The following RYR2 variants were observed in gnomAD, a reference collection of about 807,000 sequenced individuals.
RYR2 encodes the protein ryanodine receptor 2, also known as cardiac muscle ryanodine receptor-calcium release channel.
In RYR2, 227 loss-of-function variants were observed where a neutral mutation model predicts 601.1. The observed-to-expected ratio is 0.38, with a 90% CI of 0.34 to 0.42. The LOEUF (loss-of-function observed/expected upper bound fraction) is 0.42, where lower values mean the gene tolerates loss of function less well. Ranked by LOEUF, RYR2 falls within the 10% of genes least tolerant of loss-of-function variation. The pLI is 1.00. For missense variants in RYR2, 4,646 were observed against 6,156.5 expected (o/e 0.75, Z 8.21); for synonymous variants, 2,223 against 2,175.1 (o/e 1.02, Z -0.61).
intron 24 of RYR2, among the ~76,000 whole-genome samples, chr1:237,513,247 A>T (rs1346418007): frequency 1.3e-5 from 2 of 152,206 alleles, no homozygotes; most frequent in East Asian, 3.9e-4. Flanking sequence ...AAGTAAAGAG[A>T]ATATTTTTGC....
intron 3 of RYR2, among the ~76,000 whole-genome samples, chr1:237,336,099 G>T (rs911510556): frequency 5.3e-5 from 8 of 152,114 alleles, no homozygotes; most frequent in African/African-American, 1.9e-4. Context: ...ATAATTTCAT[G>T]TATGTTATAG....
chr1:237,668,350 G>T (rs1008791242), intron 58 of RYR2, among the ~76,000 whole-genome samples: 6 of 151,996 alleles, frequency 3.9e-5, no homozygotes, highest in African/African-American at 1.5e-4. Flanking sequence ...TCTCTTACAT[G>T]CTTTTGCTTG....
intron 3 of RYR2, among the ~76,000 whole-genome samples, chr1:237,354,200 A>G (rs543549255): frequency 6.6e-6 from 1 of 152,226 alleles, no homozygotes; most frequent in East Asian, 1.9e-4. Context: ...ATTGCTCCTA[A>G]TTCTTGCGCC....
At chr1:237,275,361 A>G in intron 2 of RYR2, among the ~76,000 whole-genome samples, 1 of 152,150 alleles carries the variant, frequency 6.6e-6, no homozygotes, top group East Asian at 1.9e-4. Flanking sequence ...AAACAAAGGC[A>G]TTCAGAAAGG....
At position 237,660,075 on chromosome 1, in the gene RYR2, G is replaced by A. The variant is rs1219691571; in HGVS notation, c.8298+1G>A. 6.7e-7 allele frequency: 1 copy of A among 1,488,228 alleles called. No individual in the cohort carries two copies. The highest frequency in any genetic ancestry group is 2.5e-5 in the East Asian group (1 of 39,776). 92.2% of individuals were successfully genotyped at this position (1,488,228 alleles called of 1,614,324 possible). On this transcript the variant is annotated splice_donor_variant, in intron 55 of 104. Transcript: ENST00000366574. LOFTEE classifies it high-confidence loss of function. ...GCCATATAAGCTATTGTCTGAAAAG[G>A]TAAGGATTTTTTGTTTGTTTTAGTT...
intron 42 of RYR2, 73 bp downstream of exon 42, chr1:237,631,614 T>A (rs958715479): frequency 7.4e-5 from 4 of 53,982 alleles, no homozygotes; most frequent in African/African-American, 5.3e-4. Flanking sequence ...AGAATGCAGA[T>A]TTTTTTTTTT....
intron 1 of RYR2, among the ~76,000 whole-genome samples, chr1:237,208,978 A>ATG (rs1405889077): frequency 1.6e-4 from 14 of 88,730 alleles, no homozygotes; most frequent in Middle Eastern, 5.6e-3. Flanking sequence ...ATATATATAT[A>ATG]TATATATGTA....
Position 237,828,379 on chromosome 1 carries a change from A to G in RYR2, c.14591-2A>G. The G allele has an allele frequency of 6.5e-7, 1 of 1,548,206 alleles. No individual in the cohort carries two copies. Among genetic ancestry groups the G allele is most frequent in the Non-Finnish European group, 8.8e-7 (1 of 1,139,938 alleles). ...TTAAATTGTGTTTTTATTTAACACC[A>G]GGTCTAATTATTGATGCTTTTGGAG... is the stretch of plus-strand genomic sequence containing the variant. On this transcript the variant is annotated splice_acceptor_variant, in intron 101 of 104. Coordinates refer to ENST00000366574, the MANE Select transcript of RYR2 (RefSeq NM_001035.3). LOFTEE classifies it high-confidence loss of function.
chr1:237,530,059 C>A (rs1254858044), intron 24 of RYR2, among the ~76,000 whole-genome samples: 4 of 152,220 alleles, frequency 2.6e-5, no homozygotes, highest in East Asian at 3.9e-4. Flanking sequence ...CACCTGTAAT[C>A]CCAGCACTTT....
At chr1:237,574,785 C>G (rs1208310183) in intron 29 of RYR2, among the ~76,000 whole-genome samples, 1 of 152,086 alleles carries the variant, frequency 6.6e-6, no homozygotes, top group African/African-American at 2.4e-5. Flanking sequence ...CAAATTCCAT[C>G]AATAACCAGG....
intron 51 of RYR2, among the ~76,000 whole-genome samples, chr1:237,651,888 T>C (rs1057387950): frequency 2.0e-5 from 3 of 152,014 alleles, no homozygotes; most frequent in South Asian, 2.1e-4. Context: ...ATACAAAAAA[T>C]TAGCCGGACG....
At chr1:237,058,292 C>T (rs1026419394) in intron 1 of RYR2, among the ~76,000 whole-genome samples, 1 of 152,206 alleles carries the variant, frequency 6.6e-6, no homozygotes, top group Non-Finnish European at 1.5e-5. Context: ...GCCCTCAGCT[C>T]TCCTACTATG....
intron 1 of RYR2, among the ~76,000 whole-genome samples, chr1:237,179,140 G>A (rs1157575212): frequency 6.6e-6 from 1 of 152,156 alleles, no homozygotes; most frequent in Non-Finnish European, 1.5e-5. Context: ...GCCTTGAGTA[G>A]CAAATTTTAT....
intron 61 of RYR2, among the ~76,000 whole-genome samples, chr1:237,680,135 A>G (rs1685740182): frequency 6.6e-6 from 1 of 152,194 alleles, no homozygotes; most frequent in African/African-American, 2.4e-5. Flanking sequence ...GACTCAACAT[A>G]TGGTAGTTAT....
intron 38 of RYR2, among the ~76,000 whole-genome samples, chr1:237,619,298 GA>G: frequency 6.6e-6 from 1 of 151,160 alleles, no homozygotes; most frequent in Admixed American, 6.6e-5. Flanking sequence ...AAAAGAAATA[GA>G]AAGCCTCAAC....
At chr1:237,407,618 T>G (rs1402876299) in intron 10 of RYR2, among the ~76,000 whole-genome samples, 3 of 151,012 alleles carry the variant, frequency 2.0e-5, no homozygotes, top group South Asian at 2.1e-4. Flanking sequence ...TGTTTTTTTT[T>G]TTTTTTTTTT....
chr1:237,714,991 CAAAAAAAAAAAAAAAAA>C (rs5781983), intron 71 of RYR2, among the ~76,000 whole-genome samples: 1 of 44,422 alleles, frequency 2.3e-5, no homozygotes, highest in African/African-American at 6.0e-5. Context: ...GACTCCATCT[CAAAAAAAAAAAAAAAAA>C]AAAAAAAAAA....
At chr1:237,137,580 G>A (rs146639358) in intron 1 of RYR2, among the ~76,000 whole-genome samples, 1 of 152,266 alleles carries the variant, frequency 6.6e-6, no homozygotes, top group Non-Finnish European at 1.5e-5. Flanking sequence ...TTCTCGAAGG[G>A]GAGTCCCCTA....
Position 237,819,498 on chromosome 1 carries a change from T to A in RYR2, c.14590+306T>A, listed in dbSNP as rs1302451448. On this transcript the variant is annotated intron_variant, in intron 101 of 104. Coordinates refer to ENST00000366574, the MANE Select transcript of RYR2 (RefSeq NM_001035.3). The surrounding 1 kb of genome is among the most constrained non-coding windows in gnomAD (Gnocchi z 4.0). The stretch of plus-strand genomic sequence containing the variant: ...CTCATGAACCCCAGCTTTACAATCT[T>A]GGGTGGGTGAGCCATTTAACCCTTT... Among the ~76,000 whole-genome samples, 1 of 152,162 alleles carries A rather than the reference T, an allele frequency of 6.6e-6. No homozygotes were observed. Among genetic ancestry groups the A allele is most frequent in the African/African-American group, 2.4e-5 (1 of 41,434 alleles).
Sources: allele counts gnomAD v4.1 joint callset (sites outside exome capture counted in the v4.1 genomes callset), GRCh38; gene constraint gnomAD v4.1.1; non-coding constraint Gnocchi (gnomAD v3.1); transcripts MANE v1.5; gene names NCBI Gene and HGNC (gene_info 2026-07-23, HGNC 2026-07-21).